Variants in ROBO2 observed in about 807,000 individuals in gnomAD.
ROBO2 encodes the protein roundabout homolog 2.
In ROBO2, 53 loss-of-function variants were observed where a neutral mutation model predicts 160.8. The ratio of observed to expected loss-of-function variants is 0.33; its 90% CI spans 0.26 to 0.41. The LOEUF (loss-of-function observed/expected upper bound fraction) is 0.41. Ranked by LOEUF, ROBO2 falls within the 10% of genes least tolerant of loss-of-function variation. The pLI is 1.00. For synonymous variants in ROBO2, 664 were observed against 611.7 expected (o/e 1.09, Z -1.26); for missense variants, 1,577 against 1,722.4 (o/e 0.92, Z 1.49).
At chr3:76,563,339 A>AT (rs953944739) in intron 2 of ROBO2, among the ~76,000 whole-genome samples, 1 of 152,180 alleles carries the variant, frequency 6.6e-6, no homozygotes, top group African/African-American at 2.4e-5. Flanking sequence ...AACTATGATA[A>AT]TTTTGAGAAC....
Position 76,187,942 on chromosome 3 carries a change from C to T in ROBO2, c.109+250340C>T, listed in dbSNP as rs988011856. On this transcript the variant is annotated intron_variant, in intron 2 of 26. Transcript: ENST00000487694. Reference sequence around the variant, plus strand: ...CAAGCTCTTAGTAAGATTTAAAAGCCCCGAATAATATGGACACTACATAAT... The same window carrying T: ...CAAGCTCTTAGTAAGATTTAAAAGCTCCGAATAATATGGACACTACATAAT... Among the ~76,000 whole-genome samples the T allele has an allele frequency of 5.9e-5, 9 of 152,180 alleles. No individual in the cohort carries two copies. The East Asian group carries it at 1.7e-3, about 30-fold the overall frequency.
intron 2 of ROBO2, among the ~76,000 whole-genome samples, chr3:76,026,605 T>C (rs1054874148): frequency 4.6e-5 from 7 of 152,004 alleles, no homozygotes; most frequent in African/African-American, 1.7e-4. Context: ...CAATATGGTA[T>C]GTACTATTGA....
At chr3:77,435,956 C>T (rs2079239270) in intron 2 of ROBO2, among the ~76,000 whole-genome samples, 1 of 150,630 alleles carries the variant, frequency 6.6e-6, no homozygotes, top group Non-Finnish European at 1.5e-5. Context: ...GAAATTGAGA[C>T]TCACTTCTTA....
intron 4 of ROBO2, among the ~76,000 whole-genome samples, chr3:77,491,206 T>C (rs1043874802): frequency 6.6e-5 from 10 of 152,184 alleles, no homozygotes; most frequent in Admixed American, 5.2e-4. Flanking sequence ...CATTAACATG[T>C]GCTGAATGAG....
chr3:77,221,354 A>G lies in ROBO2; in HGVS notation c.388+123014A>G, dbSNP rs144782290. On this transcript the variant is annotated intron_variant, in intron 2 of 25. Transcript: ENST00000461745. ...TTGTTTTATTTGATAACCTTTTGGT[A>G]AATACAGCAGAAATACAACTTCAGC... Among the ~76,000 whole-genome samples, 21 of 152,376 alleles carry G rather than the reference A, an allele frequency of 1.4e-4. No homozygotes were observed. In the East Asian group the frequency reaches 4.0e-3, roughly 29 times the overall value.
chr3:76,223,922 A>T (rs1259029533), intron 2 of ROBO2, among the ~76,000 whole-genome samples: 1 of 152,200 alleles, frequency 6.6e-6, no homozygotes, highest in Non-Finnish European at 1.5e-5. Context: ...TTTACTTCTT[A>T]TAAGTAGTGG....
chr3:76,892,462 A>G (rs752108146), intron 2 of ROBO2, among the ~76,000 whole-genome samples: 2 of 152,132 alleles, frequency 1.3e-5, no homozygotes, highest in African/African-American at 2.4e-5. Flanking sequence ...CTGTCAGCCC[A>G]TCTAGTGCCC....
At chr3:76,344,090 G>A (rs865840195) in intron 2 of ROBO2, among the ~76,000 whole-genome samples, 5 of 152,110 alleles carry the variant, frequency 3.3e-5, no homozygotes, top group Middle Eastern at 3.4e-3. Context: ...TATTATGACA[G>A]TAAATTCTTA....
intron 2 of ROBO2, among the ~76,000 whole-genome samples, chr3:77,143,386 G>C (rs1032947930): frequency 9.2e-5 from 14 of 151,556 alleles, no homozygotes; most frequent in Non-Finnish European, 1.6e-4. Context: ...AGTAGACATT[G>C]GGTTTCACCG....
chr3:77,033,898 C>A lies in ROBO2; in HGVS notation c.110-64116C>A, dbSNP rs1445862910. Among the ~76,000 whole-genome samples, 3 of 151,752 alleles carry A rather than the reference C, an allele frequency of 2.0e-5. 1 individual carries two copies. Among genetic ancestry groups the A allele is most frequent in the East Asian group, 3.9e-4 (2 of 5,174 alleles). On this transcript the variant is annotated intron_variant, in intron 2 of 26. Coordinates refer to the ROBO2 transcript ENST00000487694. Reference sequence around the variant, plus strand: ...AAATATAAGAAACCAGCCATTGAAACTTTTTTCTTAAATTACGTTAAAACT... The same window carrying A: ...AAATATAAGAAACCAGCCATTGAAAATTTTTTCTTAAATTACGTTAAAACT...
At chr3:77,278,192 A>G (rs1318406341) in intron 2 of ROBO2, among the ~76,000 whole-genome samples, 1 of 152,212 alleles carries the variant, frequency 6.6e-6, no homozygotes, top group Non-Finnish European at 1.5e-5. Flanking sequence ...TCCATGAATG[A>G]GAAGCCATGT....
At chr3:77,379,745 C>T (rs1022965874) in intron 2 of ROBO2, among the ~76,000 whole-genome samples, 5 of 152,158 alleles carry the variant, frequency 3.3e-5, no homozygotes, top group Admixed American at 2.6e-4. Context: ...CACTCCTTCA[C>T]TCCCGCAGAG....
intron 2 of ROBO2, among the ~76,000 whole-genome samples, chr3:76,853,412 G>C (rs1273759061): frequency 2.6e-5 from 4 of 152,002 alleles, no homozygotes; most frequent in Non-Finnish European, 5.9e-5. Flanking sequence ...TGTGTATATG[G>C]TTTGAGGTGG....
At chr3:76,978,414 G>C (rs2059914332) in intron 2 of ROBO2, among the ~76,000 whole-genome samples, 1 of 152,064 alleles carries the variant, frequency 6.6e-6, no homozygotes, top group Admixed American at 6.6e-5. Context: ...GCAGAAGAAA[G>C]AATATCAAGA....
chr3:77,205,624 C>A (rs1250515353), intron 2 of ROBO2, among the ~76,000 whole-genome samples: 2 of 152,180 alleles, frequency 1.3e-5, no homozygotes, highest in East Asian at 1.9e-4. Context: ...TGCATGGGAA[C>A]CTTCCTCTTC....
chr3:77,454,765 C>CT (rs1192584538), intron 2 of ROBO2, among the ~76,000 whole-genome samples: 1 of 152,034 alleles, frequency 6.6e-6, no homozygotes, highest in African/African-American at 2.4e-5. Context: ...TTAATTGTGT[C>CT]TTCTCTTTTT....
At chr3:76,015,127 G>A (rs2066370051) in intron 2 of ROBO2, among the ~76,000 whole-genome samples, 2 of 152,168 alleles carry the variant, frequency 1.3e-5, no homozygotes, top group South Asian at 2.1e-4. Context: ...ATAAGTATAA[G>A]AATCACACTA....
chr3:77,154,757 T>C (rs184059930), intron 2 of ROBO2, among the ~76,000 whole-genome samples: 2 of 152,094 alleles, frequency 1.3e-5, no homozygotes, highest in East Asian at 1.9e-4. Context: ...AAGTGGATCA[T>C]GGCAGGAACA....
intron 2 of ROBO2, among the ~76,000 whole-genome samples, chr3:77,256,934 CT>C (rs898178305): frequency 3.9e-4 from 60 of 152,146 alleles, no homozygotes; most frequent in African/African-American, 1.4e-3. Context: ...TTAGCTCTCA[CT>C]TTTTTTTGCT....
Sources: allele counts gnomAD v4.1 joint callset (sites outside exome capture counted in the v4.1 genomes callset), GRCh38; gene constraint gnomAD v4.1.1; transcripts MANE v1.5; gene names NCBI Gene and HGNC (gene_info 2026-07-23, HGNC 2026-07-21).